The following ZBTB46 variants were observed in gnomAD, a reference collection of about 807,000 sequenced individuals.
ZBTB46 encodes the protein zinc finger and BTB domain containing 46, also known as zinc finger and BTB domain-containing protein 46.
Under a neutral mutation model 44.1 loss-of-function variants are expected in ZBTB46, and 8 were observed. The observed-to-expected ratio is 0.18, with a 90% confidence interval of 0.11 to 0.33. The LOEUF (loss-of-function observed/expected upper bound fraction) is 0.33. Among genes scored for constraint, ZBTB46 ranks in the 10% least tolerant of loss-of-function variants. The probability of loss-of-function intolerance (pLI) is 1.00; values close to 1 mark genes in which losing one functional copy is unlikely to be tolerated. For synonymous variants in ZBTB46, 409 were observed against 382.3 expected (o/e 1.07, Z -0.81); for missense variants, 651 against 847.7 (o/e 0.77, Z 2.88).
chr20:63,746,682 T>C lies in ZBTB46; in HGVS notation c.*248A>G. The C allele has an allele frequency of 1.9e-6, 1 of 524,648 alleles. No individual in the cohort carries two copies. Among genetic ancestry groups the C allele is most frequent in the Non-Finnish European group, 3.2e-6 (1 of 315,400 alleles). The allele number at this position is 524,648 out of a possible 1,614,324, so 32.5% of individuals were successfully genotyped here. On this transcript the variant is annotated 3_prime_UTR_variant, in exon 5 of 5. Coordinates refer to ENST00000245663, the MANE Select transcript of ZBTB46 (RefSeq NM_001369741.1). Reference sequence around the variant, plus strand: ...CTGCTGGGGACTTAGGACCGTGCTCTCCCTTCACTCAAACCCACCCTGTGC... The same window carrying C: ...CTGCTGGGGACTTAGGACCGTGCTCCCCCTTCACTCAAACCCACCCTGTGC...
intron 3 of ZBTB46, chr20:63,769,499 G>C (rs984056161): frequency 6.3e-5 from 60 of 949,494 alleles, no homozygotes; most frequent in Non-Finnish European, 3.8e-5. Flanking sequence ...GCCCGGTGAT[G>C]CCCCAAGGGT....
rs143345817 is a variant in ZBTB46 at position 63,786,800 on chromosome 20, C to G, written c.937+3021G>C. ...GCTGGAATTACAGGCGTGAGCCACC[C>G]CGCCCGGCCTCGGATAACTTTTGTA... On this transcript the variant is annotated intron_variant, in intron 2 of 4. Transcript: ENST00000245663. Among the ~76,000 whole-genome samples, 1,190 of 152,162 alleles carry G rather than the reference C, an allele frequency of 7.8e-3. 9 individuals are homozygous for G. Among genetic ancestry groups the G allele is most frequent in the African/African-American group, 0.023 (972 of 41,532 alleles).
At position 63,790,087 on chromosome 20, in the gene ZBTB46, C is replaced by A. The variant is rs139874582; in HGVS notation, c.671G>T (p.Gly224Val). The A allele has an allele frequency of 1.4e-5, 23 of 1,614,068 alleles. No individual in the cohort carries two copies. Among genetic ancestry groups the A allele is most frequent in the African/African-American group, 2.7e-5 (2 of 75,064 alleles). Residue 224 changes from glycine (G) to valine (V), a missense_variant, in exon 2 of 5, where the codon GGG (glycine) becomes GTG (valine). By Grantham distance (109) the Gly-to-Val change is moderately radical. This residue lies in a region of ZBTB46 where 385 missense variants were observed against 423.3 expected (regional missense o/e 0.91). Transcript: ENST00000245663. ...QPLWPGDVGY[G>V]PLRIKEEQVS... Reference sequence around the variant, plus strand: ...CTGCTCTTCCTTGATGCGCAGAGGCCCGTAGCCCACGTCTCCAGGCCATAG... The same window carrying A: ...CTGCTCTTCCTTGATGCGCAGAGGCACGTAGCCCACGTCTCCAGGCCATAG...
In ZBTB46 at chr20:63,775,680, G is replaced by C; in HGVS notation, c.1220C>G (p.Ser407Cys). 6.4e-7 allele frequency: 1 copy of C among 1,566,544 alleles called. No individual in the cohort carries two copies. Among genetic ancestry groups the C allele is most frequent in the Non-Finnish European group, 8.7e-7 (1 of 1,154,650 alleles). Residue 407 changes from serine (S) to cysteine (C), a missense_variant and splice_region_variant, in exon 3 of 5, where the codon TCC becomes TGC. This residue lies in a region of ZBTB46 where 385 missense variants were observed against 423.3 expected (regional missense o/e 0.91). Transcript: ENST00000245663. The part of the protein sequence containing the change: ...EYLPRGAHSL[S>C]LNEFTVIRKK... ...CGGCCCCCAGGGCCTGCACTTACGG[G>C]ACAGCGAGTGGGCCCCTCTGGGCAG...
intron 2 of ZBTB46, among the ~76,000 whole-genome samples, chr20:63,788,604 T>C (rs2092534486): frequency 6.6e-6 from 1 of 151,984 alleles, no homozygotes; most frequent in South Asian, 2.1e-4. Context: ...TTTGGGAGGC[T>C]GAGGTGGGTG....
At chr20:63,753,502 C>CA (rs1302126276) in intron 3 of ZBTB46, among the ~76,000 whole-genome samples, 1 of 152,224 alleles carries the variant, frequency 6.6e-6, no homozygotes, top group East Asian at 1.9e-4. Context: ...GGGCCAGGCT[C>CA]AAAAACCTGG....
At chr20:63,795,670 C>T (rs1350081206) in intron 1 of ZBTB46, among the ~76,000 whole-genome samples, 3 of 152,240 alleles carry the variant, frequency 2.0e-5, no homozygotes, top group African/African-American at 7.2e-5. Context: ...CCGTCCTGTG[C>T]TGGCACCAGG....
intron 2 of ZBTB46, among the ~76,000 whole-genome samples, chr20:63,782,115 C>T (rs1409801468): frequency 8.3e-6 from 1 of 121,166 alleles, no homozygotes; most frequent in Non-Finnish European, 1.8e-5. Flanking sequence ...AGAGGCGTGG[C>T]GATTTTCACC....
intron 1 of ZBTB46, among the ~76,000 whole-genome samples, chr20:63,830,395 CCGCCCCGCG>C (rs1193633161): frequency 2.0e-5 from 3 of 151,226 alleles, no homozygotes; most frequent in Non-Finnish European, 4.4e-5. Flanking sequence ...CGCGCCCCGT[CCGCCCCGCG>C]CGCCCCGAGC....
intron 3 of ZBTB46, among the ~76,000 whole-genome samples, chr20:63,771,729 G>T: frequency 6.6e-6 from 1 of 152,218 alleles, no homozygotes. Context: ...CACCTGTCGG[G>T]GACAGAAGGC....
chr20:63,779,722 G>A (rs996402304), intron 2 of ZBTB46, among the ~76,000 whole-genome samples: 23 of 150,730 alleles, frequency 1.5e-4, no homozygotes, highest in African/African-American at 4.9e-4. Context: ...GCGCCCGGCC[G>A]CTAATTTTTG....
At chr20:63,793,040 C>T (rs11698037) in intron 1 of ZBTB46, among the ~76,000 whole-genome samples, 12,363 of 152,124 alleles carry the variant, frequency 0.081, 930 homozygotes, top group East Asian at 0.43. Context: ...TCCTGCCCGC[C>T]GGGCACGAGG....
At position 63,769,159 on chromosome 20, in the gene ZBTB46, C is replaced by T. The variant is rs369240321; in HGVS notation, c.1222+6519G>A. The T allele has an allele frequency of 4.3e-5, 42 of 983,810 alleles. 1 individual carries two copies. In the East Asian group the frequency reaches 2.7e-3, roughly 64 times the overall value. The allele number at this position is 983,810 out of a possible 1,614,324, so 60.9% of individuals were successfully genotyped here. A position where few individuals can be genotyped will look rare whatever the true frequency, so the allele number is the denominator to read the frequency against. ...CGGAGGTGCCCGGGCTCATCTGGGC[C>T]GTGGCCACGCACACATGGGTGTCAG... On this transcript the variant is annotated intron_variant, in intron 3 of 4. Transcript: ENST00000245663.
At position 63,769,323 on chromosome 20, in the gene ZBTB46, A is replaced by G. The variant is rs2180630; in HGVS notation, c.1222+6355T>C. 8.6e-4 allele frequency: 847 copies of G among 985,284 alleles called. 1 individual carries two copies. Among genetic ancestry groups the G allele is most frequent in the South Asian group, 4.0e-3 (86 of 21,276 alleles). 61.0% of individuals were successfully genotyped at this position (985,284 alleles called of 1,614,324 possible). A position where few individuals can be genotyped will look rare whatever the true frequency, so the allele number is the denominator to read the frequency against. Reference sequence around the variant, plus strand: ...CCCCAGAGCTCATCCTGTGGCTCTGAGGGTGGAGGGTGGAGGGGCTTCTGT... The same window carrying G: ...CCCCAGAGCTCATCCTGTGGCTCTGGGGGTGGAGGGTGGAGGGGCTTCTGT... On this transcript the variant is annotated intron_variant, in intron 3 of 4. Transcript: ENST00000245663.
chr20:63,810,255 T>C (rs1358706915), intron 1 of ZBTB46, among the ~76,000 whole-genome samples: 1 of 152,160 alleles, frequency 6.6e-6, no homozygotes, highest in Non-Finnish European at 1.5e-5. Flanking sequence ...AATTCGAAGA[T>C]GGCCCAGAAA....
chr20:63,808,976 C>CAAAAAAAAAAAAAAAAAAAAA (rs1157399042), intron 1 of ZBTB46, among the ~76,000 whole-genome samples: 10 of 75,200 alleles, frequency 1.3e-4, no homozygotes, highest in African/African-American at 1.8e-4. Flanking sequence ...GACTCCGCTT[C>CAAAAAAAAAAAAAAAAAAAAA]AAAAAAAAAA....
At chr20:63,810,247 T>C (rs6010665) in intron 1 of ZBTB46, among the ~76,000 whole-genome samples, 15,423 of 152,102 alleles carry the variant, frequency 0.1, 1,278 homozygotes, top group African/African-American at 0.23. Context: ...CACTCGACAA[T>C]TCGAAGATGG....
At position 63,775,705 on chromosome 20, in the gene ZBTB46, G is replaced by C. The variant is rs1482722678; in HGVS notation, c.1195C>G (p.Leu399Val). Residue 399 changes from leucine (L) to valine (V), a missense_variant, in exon 3 of 5, where the codon CTG becomes GTG. This residue lies in a region of ZBTB46 where 385 missense variants were observed against 423.3 expected (regional missense o/e 0.91). Coordinates refer to ENST00000245663, the MANE Select transcript of ZBTB46 (RefSeq NM_001369741.1). ...GACAGCGAGTGGGCCCCTCTGGGCA[G>C]GTACTCGAACAGCAGGGAGCCGTCA... ...GDDGSLLFEY[L>V]PRGAHSLSLN... 1 of 1,597,996 alleles carries C rather than the reference G, an allele frequency of 6.3e-7. No individual in the cohort carries two copies. Among genetic ancestry groups the C allele is most frequent in the South Asian group, 1.1e-5 (1 of 88,928 alleles).
chr20:63,825,616 A>G (rs1010085994), intron 1 of ZBTB46, among the ~76,000 whole-genome samples: 4 of 151,854 alleles, frequency 2.6e-5, no homozygotes, highest in African/African-American at 9.7e-5. Flanking sequence ...GCGGCTGGCT[A>G]TGGCCAATGA....
Sources: gnomAD v4.1 joint callset for allele counts (sites outside exome capture counted in the v4.1 genomes callset) on GRCh38, gnomAD v4.1.1 for gene constraint, gnomAD v4.1.1 regional missense constraint, MANE v1.5 for transcripts, NCBI Gene and HGNC (gene_info 2026-07-23, HGNC 2026-07-21) for gene names.